The following PPP1R16B variants were observed in gnomAD, a reference collection of about 807,000 sequenced individuals.
The protein encoded by PPP1R16B is protein phosphatase 1 regulatory inhibitor subunit 16B.
PPP1R16B carries 14 observed loss-of-function variants against 61.7 expected under a neutral mutation model. That is an observed-to-expected ratio of 0.23 (90% CI 0.15 to 0.35). The LOEUF is 0.35. PPP1R16B is among the 10% of genes least tolerant of loss of function. The pLI is 1.00. For synonymous variants in PPP1R16B, 266 were observed against 305.3 expected (o/e 0.87, Z 1.34); for missense variants, 547 against 752.5 (o/e 0.73, Z 3.19).
chr20:38,881,343 G>A (rs1171191722), intron 2 of PPP1R16B, among the ~76,000 whole-genome samples: 2 of 152,260 alleles, frequency 1.3e-5, no homozygotes, highest in African/African-American at 4.8e-5. Flanking sequence ...TGCCTTGGGG[G>A]CACAGGACAG....
At chr20:38,820,562 A>C (rs1235773646) in intron 1 of PPP1R16B, among the ~76,000 whole-genome samples, 2 of 152,122 alleles carry the variant, frequency 1.3e-5, no homozygotes, top group Non-Finnish European at 2.9e-5. Flanking sequence ...TCGTCTCAAA[A>C]AAAAAAAACA....
intron 1 of PPP1R16B, among the ~76,000 whole-genome samples, chr20:38,830,256 G>C (rs942805458): frequency 2.0e-5 from 3 of 152,204 alleles, no homozygotes; most frequent in Admixed American, 6.5e-5. Context: ...TGCCTCTCTA[G>C]CCCTGAGCAC....
At position 38,892,520 on chromosome 20, in the gene PPP1R16B, T is replaced by C. The variant is rs1279340806; in HGVS notation, c.321+2855T>C. 2.0e-5 allele frequency among the ~76,000 whole-genome samples: 3 copies of C among 152,238 alleles called. No homozygotes were observed. In the East Asian group the frequency reaches 5.8e-4, roughly 29 times the overall value. ...AGCTTCCATTTATTTTTTCAACAAA[T>C]ACCTATTGTGTACCCACTCCATGCC... is the stretch of plus-strand genomic sequence containing the variant. On this transcript the variant is annotated intron_variant, in intron 3 of 10. Transcript: ENST00000299824.
rs1002798102 is a variant in PPP1R16B at position 38,919,317 on chromosome 20, C to T, written c.*651C>T. On this transcript the variant is annotated 3_prime_UTR_variant, in exon 11 of 11. Coordinates refer to ENST00000299824, the MANE Select transcript of PPP1R16B (RefSeq NM_015568.4). ...TCTACATGGGTAGATGAGATAGACA[C>T]AGACCTGCTCCCCGCAGCCTTGTTG... The T allele has an allele frequency of 6.6e-6, 1 of 152,488 alleles. No homozygotes were observed. Among genetic ancestry groups the T allele is most frequent in the African/African-American group, 2.4e-5 (1 of 41,436 alleles). 9.4% of individuals were successfully genotyped at this position (152,488 alleles called of 1,614,324 possible). A position where few individuals can be genotyped will look rare whatever the true frequency, so the allele number is the denominator to read the frequency against.
chr20:38,914,406 G>C (rs1478543838), intron 10 of PPP1R16B, among the ~76,000 whole-genome samples: 1 of 152,088 alleles, frequency 6.6e-6, no homozygotes, highest in Non-Finnish European at 1.5e-5. Context: ...TAACCTTCCT[G>C]TTGTCCAGTA....
chr20:38,835,680 G>T (rs1239483920), intron 1 of PPP1R16B, 145 bp from the exon 2 acceptor site: 1 of 490,844 alleles, frequency 2.0e-6, no homozygotes, highest in Non-Finnish European at 3.5e-6. Flanking sequence ...TACTTACAGG[G>T]CCACTGTAAG....
At chr20:38,912,721 C>G (rs1245518244) in intron 10 of PPP1R16B, among the ~76,000 whole-genome samples, 2 of 152,006 alleles carry the variant, frequency 1.3e-5, no homozygotes, top group Non-Finnish European at 2.9e-5. Context: ...AGGACCCACT[C>G]CAGATGTGGC....
chr20:38,860,294 G>T (rs998702600), intron 2 of PPP1R16B, among the ~76,000 whole-genome samples: 1 of 152,048 alleles, frequency 6.6e-6, no homozygotes, highest in African/African-American at 2.4e-5. Context: ...TAGAGACAGG[G>T]TTTCACCATG....
intron 2 of PPP1R16B, among the ~76,000 whole-genome samples, chr20:38,873,610 A>C (rs929292063): frequency 6.6e-6 from 1 of 152,122 alleles, no homozygotes; most frequent in Non-Finnish European, 1.5e-5. Context: ...TGGCGCTCAC[A>C]CGCTGTTGGC....
intron 3 of PPP1R16B, 121 bp from the exon 4 acceptor site, chr20:38,895,444 A>T: frequency 8.4e-7 from 1 of 1,193,084 alleles, no homozygotes; most frequent in East Asian, 2.5e-5. Flanking sequence ...ATGGAGCTGG[A>T]TTCAAACAGG....
chr20:38,906,913 C>A, intron 7 of PPP1R16B, 66 bp from the exon 8 acceptor site: 2 of 1,409,320 alleles, frequency 1.4e-6, no homozygotes, highest in Middle Eastern at 1.9e-4. Flanking sequence ...CTTGGGCACT[C>A]TCTCCACCTC....
At chr20:38,820,181 G>A (rs1186161365) in intron 1 of PPP1R16B, among the ~76,000 whole-genome samples, 6 of 152,128 alleles carry the variant, frequency 3.9e-5, no homozygotes. Context: ...AACTACTTCT[G>A]GGGGCATTTT....
At chr20:38,913,835 C>T (rs1279464965) in intron 10 of PPP1R16B, among the ~76,000 whole-genome samples, 1 of 152,080 alleles carries the variant, frequency 6.6e-6, no homozygotes, top group Non-Finnish European at 1.5e-5. Flanking sequence ...TGCTTGTTTA[C>T]CCTCAGGGTG....
intron 2 of PPP1R16B, among the ~76,000 whole-genome samples, chr20:38,855,672 G>T (rs952737068): frequency 2.6e-5 from 4 of 151,664 alleles, no homozygotes; most frequent in Non-Finnish European, 5.9e-5. Context: ...TGAAGAGGAG[G>T]AGCCCCCTGC....
In PPP1R16B at chr20:38,877,312, C is replaced by CT. The variant is rs542109425; in HGVS notation, c.251-12269dup. On this transcript the variant is annotated intron_variant, in intron 2 of 10. Coordinates refer to ENST00000299824, the MANE Select transcript of PPP1R16B (RefSeq NM_015568.4). ...ACTGTGCTTCTGACTTATATACTAA[C>CT]TTTTTTTTTTTTTTGAGTTGGAGTC... Among the ~76,000 whole-genome samples the CT allele has an allele frequency of 1.8e-3, 267 of 145,392 alleles. 2 individuals are homozygous for CT. The highest frequency in any genetic ancestry group is 3.6e-3 in the Middle Eastern group (1 of 280).
At chr20:38,834,388 G>A (rs192675571) in intron 1 of PPP1R16B, among the ~76,000 whole-genome samples, 13 of 152,336 alleles carry the variant, frequency 8.5e-5, no homozygotes, top group Admixed American at 7.2e-4. Context: ...AACAGGCTTA[G>A]AGAGGATCAA....
rs1159775702 is a variant in PPP1R16B, at chr20:38,826,791, TA to T, written c.-101-9033del. ...GGCCATTCCCGTCTACCACCCACCA[TA>T]GACCTCTAAAGGCCATGGAGTTCCT... On this transcript the variant is annotated intron_variant, in intron 1 of 10. Transcript: ENST00000299824. Among the ~76,000 whole-genome samples the T allele has an allele frequency of 2.6e-5, 4 of 152,338 alleles. No homozygotes were observed. The South Asian group carries it at 8.3e-4, about 32-fold the overall frequency.
At chr20:38,910,196 G>T (rs2085477352) in intron 10 of PPP1R16B, among the ~76,000 whole-genome samples, 1 of 152,068 alleles carries the variant, frequency 6.6e-6, no homozygotes, top group Admixed American at 6.6e-5. Context: ...CCAGGCTGGT[G>T]TTGAAGTTCT....
chr20:38,896,660 T>C (rs990164663), intron 4 of PPP1R16B, among the ~76,000 whole-genome samples: 1 of 152,180 alleles, frequency 6.6e-6, no homozygotes, highest in Non-Finnish European at 1.5e-5. Flanking sequence ...TGCAGGTTAG[T>C]GGTATTAAGT....
Sources: gnomAD v4.1 joint callset for allele counts (sites outside exome capture counted in the v4.1 genomes callset) on GRCh38, gnomAD v4.1.1 for gene constraint, MANE v1.5 for transcripts, NCBI Gene and HGNC (gene_info 2026-07-23, HGNC 2026-07-21) for gene names.